SPTLC3: variants seen among roughly 807,000 people sequenced by gnomAD.
SPTLC3 encodes the protein serine palmitoyltransferase 3.
Under a neutral mutation model 59.3 loss-of-function variants are expected in SPTLC3, and 36 were observed. The ratio of observed to expected loss-of-function variants is 0.61; its 90% CI spans 0.47 to 0.80. The LOEUF (loss-of-function observed/expected upper bound fraction) is 0.80. Ranked by LOEUF, SPTLC3 falls within the 30% of genes least tolerant of loss-of-function variation. SPTLC3 has a pLI of 0.00. For missense variants in SPTLC3, 625 were observed against 685.1 expected (o/e 0.91, Z 0.98); for synonymous variants, 257 against 240.8 (o/e 1.07, Z -0.62).
intron 8 of SPTLC3, among the ~76,000 whole-genome samples, chr20:13,121,472 T>C (rs1185842608): frequency 1.3e-5 from 2 of 152,278 alleles, no homozygotes; most frequent in Non-Finnish European, 2.9e-5. Flanking sequence ...CCTGTCTGAT[T>C]TCCTCCCAAA....
intron 8 of SPTLC3, among the ~76,000 whole-genome samples, chr20:13,122,493 T>G (rs2037890258): frequency 6.6e-6 from 1 of 152,202 alleles, no homozygotes; most frequent in Non-Finnish European, 1.5e-5. Flanking sequence ...AAGTCGAGTG[T>G]GGCCTAAGGG....
intron 10 of SPTLC3, 143 bp from the exon 11 acceptor site, chr20:13,159,860 C>T: frequency 8.6e-7 from 1 of 1,162,464 alleles, no homozygotes; most frequent in Non-Finnish European, 1.2e-6. Flanking sequence ...AGTTTAAAAA[C>T]TTCAATCATC....
intron 11 of SPTLC3, among the ~76,000 whole-genome samples, chr20:13,163,386 AAAAAT>A (rs1485015169): frequency 2.0e-5 from 3 of 151,542 alleles, no homozygotes; most frequent in Non-Finnish European, 2.9e-5. Context: ...AAAAAAAAAA[AAAAAT>A]AGAAATCCTA....
intron 6 of SPTLC3, among the ~76,000 whole-genome samples, chr20:13,096,434 A>T (rs1285447446): frequency 2.0e-5 from 3 of 147,098 alleles, no homozygotes; most frequent in African/African-American, 7.5e-5. Flanking sequence ...ATAGAACACT[A>T]CTCCACAATT....
chr20:13,020,173 G>C (rs76542592), intron 1 of SPTLC3, among the ~76,000 whole-genome samples: 6,967 of 152,096 alleles, frequency 0.046, 233 homozygotes, highest in Middle Eastern at 0.092. Context: ...ATAACACAAA[G>C]TGATTGAGGC....
At chr20:13,035,530 C>T (rs926648946) in intron 1 of SPTLC3, among the ~76,000 whole-genome samples, 3 of 151,986 alleles carry the variant, frequency 2.0e-5, no homozygotes, top group Admixed American at 6.6e-5. Context: ...AGGTGCCTTC[C>T]GAAACAAAAA....
rs933340252 is a variant in SPTLC3 at position 13,100,159 on chromosome 20, T to A, written c.826+6582T>A. Among the ~76,000 whole-genome samples, 15 of 152,320 alleles carry A rather than the reference T, an allele frequency of 9.8e-5. No homozygotes were observed. The South Asian group carries it at 1.2e-3, about 13-fold the overall frequency. On this transcript the variant is annotated intron_variant, in intron 6 of 11. Transcript: ENST00000399002. ...GAATCAGAATTCTGGGCCCTTGGAT[T>A]TTTTAATTCTCTGTAGGAAAAAATA... is the stretch of plus-strand genomic sequence containing the variant.
At chr20:13,039,063 T>A (rs1986861341) in intron 1 of SPTLC3, among the ~76,000 whole-genome samples, 1 of 152,150 alleles carries the variant, frequency 6.6e-6, no homozygotes, top group South Asian at 2.1e-4. Context: ...CTGCAGAATG[T>A]TCCATATGCG....
chr20:13,132,377 A>G (rs1189855702), intron 9 of SPTLC3, among the ~76,000 whole-genome samples: 1 of 151,750 alleles, frequency 6.6e-6, no homozygotes, highest in African/African-American at 2.4e-5. Flanking sequence ...GGGTTTCACC[A>G]TGTTGGCCGG....
chr20:13,062,753 CT>C (rs1988022834), intron 2 of SPTLC3, among the ~76,000 whole-genome samples: 1 of 152,100 alleles, frequency 6.6e-6, no homozygotes. Flanking sequence ...TTTTTTTCCC[CT>C]AACTCTGGCT....
At chr20:13,041,585 A>G (rs1211959555) in intron 1 of SPTLC3, among the ~76,000 whole-genome samples, 1 of 152,182 alleles carries the variant, frequency 6.6e-6, no homozygotes, top group Non-Finnish European at 1.5e-5. Flanking sequence ...TGTATTTACT[A>G]AGTCCAACAT....
At chr20:13,023,265 GCACACA>G (rs34054687) in intron 1 of SPTLC3, among the ~76,000 whole-genome samples, 8 of 145,132 alleles carry the variant, frequency 5.5e-5, no homozygotes, top group Non-Finnish European at 9.0e-5. Context: ...CTGCACATGT[GCACACA>G]CACACACACA....
chr20:13,054,785 C>T (rs1159883659), intron 2 of SPTLC3, among the ~76,000 whole-genome samples: 1 of 152,146 alleles, frequency 6.6e-6, no homozygotes, highest in Non-Finnish European at 1.5e-5. Flanking sequence ...GATACTGTAA[C>T]ATCTTCAGTT....
intron 6 of SPTLC3, among the ~76,000 whole-genome samples, chr20:13,105,133 T>C (rs149176108): frequency 2.8e-3 from 422 of 152,262 alleles, no homozygotes; most frequent in African/African-American, 9.6e-3. Context: ...TGTAGCCTTG[T>C]AGAACGACAG....
intron 1 of SPTLC3, among the ~76,000 whole-genome samples, chr20:13,025,213 T>C (rs1357413133): frequency 6.6e-6 from 1 of 152,164 alleles, no homozygotes; most frequent in Admixed American, 6.5e-5. Context: ...ATATTGTCAA[T>C]CCTTACAATA....
intron 8 of SPTLC3, among the ~76,000 whole-genome samples, chr20:13,119,389 C>A (rs1990774175): frequency 6.6e-6 from 1 of 152,194 alleles, no homozygotes; most frequent in Admixed American, 6.5e-5. Flanking sequence ...CACCATGATT[C>A]TCTCTCATGC....
chr20:13,072,377 A>G lies in SPTLC3; in HGVS notation c.425A>G (p.Glu142Gly), dbSNP rs1386461552. 6.2e-7 allele frequency: 1 copy of G among 1,610,818 alleles called. No individual in the cohort carries two copies. Residue 142 changes from glutamate to glycine, a missense_variant, in exon 3 of 12, where the codon GAG (glutamate) becomes GGG (glycine). Transcript: ENST00000399002. ...CCAGGGCCTCTGTTTGATTTGATGG[A>G]GAGGGTATCAGACGACTATAACTGG... ...SAPGPLFDLM[E>G]RVSDDYNWTF...
intron 11 of SPTLC3, among the ~76,000 whole-genome samples, chr20:13,163,816 G>T (rs1435246391): frequency 3.3e-5 from 5 of 152,118 alleles, no homozygotes; most frequent in Non-Finnish European, 7.4e-5. Context: ...CATTTGGCAG[G>T]TTAAGAAAAA....
At chr20:13,073,835 G>C (rs1034609359) in intron 3 of SPTLC3, 2 of 573,708 alleles carry the variant, frequency 3.5e-6, no homozygotes, top group Admixed American at 4.4e-5. Context: ...TTTGGGGAAA[G>C]TTCCTTCAAC....
Sources: allele counts gnomAD v4.1 joint callset (sites outside exome capture counted in the v4.1 genomes callset), GRCh38; gene constraint gnomAD v4.1.1; transcripts MANE v1.5; gene names NCBI Gene and HGNC (gene_info 2026-07-23, HGNC 2026-07-21).